Variants in BAZ1A observed in about 807,000 individuals in gnomAD.
BAZ1A encodes the protein bromodomain adjacent to zinc finger domain protein 1A.
In BAZ1A, 50 loss-of-function variants were observed where a neutral mutation model predicts 185.2. The observed-to-expected ratio is 0.27, with a 90% confidence interval of 0.22 to 0.34. BAZ1A has a LOEUF of 0.34. BAZ1A is among the 10% of genes least tolerant of loss of function. BAZ1A has a pLI of 1.00. For synonymous variants in BAZ1A, 571 were observed against 615.6 expected, an observed-to-expected ratio of 0.93 and a Z score of 1.07; for missense variants, 1,356 against 1,839.9, an observed-to-expected ratio of 0.74 and a Z score of 4.81.
At chr14:34,782,369 AAT>A (rs1880092965) in intron 16 of BAZ1A, among the ~76,000 whole-genome samples, 1 of 152,128 alleles carries the variant, frequency 6.6e-6, no homozygotes, top group African/African-American at 2.4e-5. Context: ...TCTTTGGAGA[AAT>A]GTCTATTCAA....
rs189443391 is a variant in BAZ1A, at chr14:34,793,546, C to T, written c.1364-625G>A. 3.3e-3 allele frequency among the ~76,000 whole-genome samples: 505 copies of T among 152,288 alleles called. 1 individual carries two copies. Among genetic ancestry groups the T allele is most frequent in the Non-Finnish European group, 4.8e-3 (326 of 68,016 alleles). On this transcript the variant is annotated intron_variant, in intron 11 of 26. Coordinates refer to ENST00000360310, the MANE Select transcript of BAZ1A (RefSeq NM_013448.3). ...ATTATAGGACAGACGCAGTGGCTCA[C>T]GCCTGTAATCCCAGCACTTTGCGAG...
intron 25 of BAZ1A, among the ~76,000 whole-genome samples, chr14:34,756,291 T>G (rs1424242315): frequency 6.6e-6 from 1 of 150,718 alleles, no homozygotes. Context: ...TTTTTTGTGT[T>G]TTTTTAGTAG....
At chr14:34,865,988 G>T (rs2042852340) in intron 2 of BAZ1A, among the ~76,000 whole-genome samples, 1 of 152,074 alleles carries the variant, frequency 6.6e-6, no homozygotes, top group Admixed American at 6.6e-5. Context: ...AGGAGTTCGA[G>T]ACCAGACTGC....
intron 17 of BAZ1A, among the ~76,000 whole-genome samples, chr14:34,776,986 A>G (rs1297170037): frequency 6.6e-6 from 1 of 152,222 alleles, no homozygotes; most frequent in Non-Finnish European, 1.5e-5. Context: ...CTAATACACT[A>G]TGTTAATAAG....
In BAZ1A at chr14:34,861,997, C is replaced by T. The variant is rs2042776334; in HGVS notation, c.392+47G>A. 8.3e-6 allele frequency: 13 copies of T among 1,575,680 alleles called. No individual in the cohort carries two copies. In the East Asian group the frequency reaches 2.9e-4, roughly 35 times the overall value. On this transcript the variant is annotated intron_variant, in intron 3 of 26. Coordinates refer to ENST00000360310, the MANE Select transcript of BAZ1A (RefSeq NM_013448.3). Reference sequence around the variant, plus strand: ...CACTTTGTGTGTTTTGGATTTTGAGCAATGTGAATATAAACTTACCAAGAG... The same window carrying T: ...CACTTTGTGTGTTTTGGATTTTGAGTAATGTGAATATAAACTTACCAAGAG...
At chr14:34,814,356 G>A (rs2041975111) in intron 4 of BAZ1A, among the ~76,000 whole-genome samples, 1 of 151,764 alleles carries the variant, frequency 6.6e-6, no homozygotes, top group African/African-American at 2.4e-5. Context: ...CCACATTTTA[G>A]TGAATTATAA....
chr14:34,817,552 C>T (rs547154053), intron 4 of BAZ1A, among the ~76,000 whole-genome samples: 13 of 152,282 alleles, frequency 8.5e-5, no homozygotes, highest in African/African-American at 1.4e-4. Context: ...TGCGCTGTTG[C>T]GCAACAGCCT....
intron 9 of BAZ1A, among the ~76,000 whole-genome samples, chr14:34,797,085 CA>C (rs1881237315): frequency 6.6e-6 from 1 of 152,056 alleles, no homozygotes; most frequent in Admixed American, 6.5e-5. Flanking sequence ...TTATTTAAAG[CA>C]CTTAGCTATG....
At chr14:34,763,694 G>A (rs1878597446) in intron 23 of BAZ1A, among the ~76,000 whole-genome samples, 1 of 152,246 alleles carries the variant, frequency 6.6e-6, no homozygotes, top group Non-Finnish European at 1.5e-5. Flanking sequence ...AACAGCATGA[G>A]CTCATTTTTT....
Position 34,790,661 on chromosome 14 carries a change from A to AT in BAZ1A, c.1510+2113dup, listed in dbSNP as rs1193294218. Among the ~76,000 whole-genome samples, 3 of 152,078 alleles carry AT rather than the reference A, an allele frequency of 2.0e-5. No homozygotes were observed. The East Asian group carries it at 5.8e-4, about 29-fold the overall frequency. ...GAGCCACCACACCCAGCCTTGTTTT[A>AT]TTTTTTGTAGAGACAGGGGTCTCAC... On this transcript the variant is annotated intron_variant, in intron 12 of 26. Transcript: ENST00000360310.
chr14:34,792,213 G>A (rs1012025019), intron 12 of BAZ1A, among the ~76,000 whole-genome samples: 1 of 152,014 alleles, frequency 6.6e-6, no homozygotes, highest in Non-Finnish European at 1.5e-5. Context: ...GTGAAACCCC[G>A]TCTCTATTTT....
intron 25 of BAZ1A, among the ~76,000 whole-genome samples, chr14:34,757,155 AG>A (rs1886287060): frequency 6.6e-6 from 1 of 152,114 alleles, no homozygotes; most frequent in Non-Finnish European, 1.5e-5. Flanking sequence ...ACCTGAGGTT[AG>A]GAGTTTGAGA....
chr14:34,874,495 T>G lies in BAZ1A; in HGVS notation c.110A>C (p.Tyr37Ser), dbSNP rs775395144. 2 of 1,611,138 alleles carry G rather than the reference T, an allele frequency of 1.2e-6. No individual in the cohort carries two copies. Among genetic ancestry groups the G allele is most frequent in the Non-Finnish European group, 8.5e-7 (1 of 1,178,398 alleles). Residue 37 changes from tyrosine (Y) to serine (S), a missense_variant, in exon 2 of 27, where the codon TAC (tyrosine) becomes TCC (serine). By Grantham distance (144) the Tyr-to-Ser change is moderately radical (BLOSUM62 -2). Around this residue, in one of 7 missense-constraint regions of BAZ1A, gnomAD observed 332 missense variants for 395.3 expected, o/e 0.84. Coordinates refer to ENST00000360310, the MANE Select transcript of BAZ1A (RefSeq NM_013448.3). This position sits in a 1 kb window ranked among gnomAD's most constrained non-coding sequence, Gnocchi z 4.7. ...CKVTNEIFRH[Y>S]DDFFERTILC... ...CCGCACACGGCCCGGCTCTTACTCG[T>G]AGTGGCGGAAGATCTCGTTGGTGAC...
intron 4 of BAZ1A, among the ~76,000 whole-genome samples, chr14:34,822,190 G>C (rs2042099779): frequency 6.6e-6 from 1 of 152,170 alleles, no homozygotes; most frequent in Non-Finnish European, 1.5e-5. Flanking sequence ...AGCTACTTGG[G>C]AGGCTGAGGT....
At position 34,758,803 on chromosome 14, in the gene BAZ1A, C is replaced by T. The variant is rs1036180156; in HGVS notation, c.4287G>A (p.Gln1429=). Residue 1429 remains glutamine (Q), a synonymous_variant, in exon 25 of 27, where the codon CAG becomes CAA. Coordinates refer to ENST00000360310, the MANE Select transcript of BAZ1A (RefSeq NM_013448.3). ...AAGCAGACAATTCATGAACTCCTCC[C>T]TGTCGGCCAGAACTCCTTCGACCCA... ...VTLGRRSSGR[Q]GGVHELSAFE... The T allele has an allele frequency of 1.5e-5, 24 of 1,614,048 alleles. No homozygotes were observed. Among genetic ancestry groups the T allele is most frequent in the Non-Finnish European group, 1.9e-5 (22 of 1,180,024 alleles).
intron 2 of BAZ1A, among the ~76,000 whole-genome samples, chr14:34,872,780 G>A (rs974795050): frequency 6.6e-6 from 1 of 151,562 alleles, no homozygotes; most frequent in Admixed American, 6.6e-5. Context: ...CTAAAAGTGA[G>A]AAAAGCCTCT....
chr14:34,784,367 C>CCAAAAAAAAAAAAAAAAAAAAAAAA lies in BAZ1A; in HGVS notation c.1832-441_1832-440insTTTTTTTTTTTTTTTTTTTTTTTTG, dbSNP rs1225939081. Among the ~76,000 whole-genome samples, 19 of 77,178 alleles carry CCAAAAAAAAAAAAAAAAAAAAAAAA rather than the reference C, an allele frequency of 2.5e-4. 2 individuals carry two copies. The highest frequency in any genetic ancestry group is 3.7e-4 in the African/African-American group (6 of 16,420). 50.6% of individuals were successfully genotyped at this position (77,178 alleles called of 152,430 possible). ...TGGGCAACTGAGTGAGACTCTGTCT[C>CCAAAAAAAAAAAAAAAAAAAAAAAA]AAAAAAAAAAAAAAAAAAAAAAAAA... is the stretch of plus-strand genomic sequence containing the variant. On this transcript the variant is annotated intron_variant, in intron 14 of 26. Transcript: ENST00000360310.
chr14:34,861,454 G>A (rs2042767932), intron 3 of BAZ1A, among the ~76,000 whole-genome samples: 1 of 152,182 alleles, frequency 6.6e-6, no homozygotes, highest in Non-Finnish European at 1.5e-5. Context: ...GTGAGTTACA[G>A]CTCAATAAAG....
chr14:34,759,736 A>ATGATCTTG, intron 24 of BAZ1A, among the ~76,000 whole-genome samples: 1 of 151,970 alleles, frequency 6.6e-6, no homozygotes, highest in Middle Eastern at 3.4e-3. Flanking sequence ...GTGCAGTGGC[A>ATGATCTTG]TGATCTTGGC....
Sources: allele counts gnomAD v4.1 joint callset (sites outside exome capture counted in the v4.1 genomes callset), GRCh38; gene constraint gnomAD v4.1.1; regional missense constraint gnomAD v4.1.1; non-coding constraint Gnocchi (gnomAD v3.1); transcripts MANE v1.5; gene names NCBI Gene and HGNC (gene_info 2026-07-23, HGNC 2026-07-21).